Variants in SGCZ observed in about 807,000 individuals in gnomAD.
SGCZ encodes the protein sarcoglycan zeta.
SGCZ carries 40 observed loss-of-function variants against 41.3 expected under a neutral mutation model. The ratio of observed to expected loss-of-function variants is 0.97; its 90% CI spans 0.75 to 1.26. The LOEUF (loss-of-function observed/expected upper bound fraction) is 1.26, where lower values mean the gene tolerates loss of function less well. SGCZ is among the 50% of genes most tolerant of loss of function. SGCZ has a pLI of 0.00. For missense variants in SGCZ, 552 were observed against 369.8 expected (o/e 1.49, Z -4.04); for synonymous variants, 206 against 137.5 (o/e 1.50, Z -3.49).
chr8:14,962,386 GTATA>G (rs35553186), intron 1 of SGCZ, among the ~76,000 whole-genome samples: 15,861 of 148,660 alleles, frequency 0.11, 1,127 homozygotes, highest in African/African-American at 0.19. Flanking sequence ...CAAGGTAATT[GTATA>G]TATATATATA....
intron 2 of SGCZ, among the ~76,000 whole-genome samples, chr8:14,523,198 T>C: frequency 6.6e-6 from 1 of 152,042 alleles, no homozygotes. Context: ...AAATATAATT[T>C]AGAAAACTCT....
At chr8:14,192,046 A>G (rs1265026605) in intron 4 of SGCZ, among the ~76,000 whole-genome samples, 2 of 152,116 alleles carry the variant, frequency 1.3e-5, no homozygotes, top group African/African-American at 4.8e-5. Context: ...CAAAATTCTT[A>G]TGACCTGTAG....
At chr8:14,356,119 G>C (rs1803285251) in intron 2 of SGCZ, among the ~76,000 whole-genome samples, 1 of 152,178 alleles carries the variant, frequency 6.6e-6, no homozygotes. Flanking sequence ...GACAAGCAAT[G>C]CTGTACTGTA....
intron 3 of SGCZ, among the ~76,000 whole-genome samples, chr8:14,255,938 T>A (rs965637153): frequency 6.6e-6 from 1 of 152,220 alleles, no homozygotes; most frequent in South Asian, 2.1e-4. Context: ...AAGGAACTAA[T>A]CAGAAACCAA....
chr8:14,975,873 T>TACACAC lies in SGCZ; in HGVS notation c.39+261706_39+261711dup, dbSNP rs10542601. On this transcript the variant is annotated intron_variant, in intron 1 of 7. Coordinates refer to ENST00000382080, the MANE Select transcript of SGCZ (RefSeq NM_139167.4). The stretch of plus-strand genomic sequence containing the variant: ...CAGGCTTTAAAATCAAGAAAAATTT[T>TACACAC]ACACACACACACACACACACACATA... Among the ~76,000 whole-genome samples, 323 of 141,304 alleles carry TACACAC rather than the reference T, an allele frequency of 2.3e-3. 2 individuals carry two copies. Among genetic ancestry groups the TACACAC allele is most frequent in the African/African-American group, 8.3e-3 (314 of 37,946 alleles). 92.7% of individuals were successfully genotyped at this position (141,304 alleles called of 152,430 possible). A position where few individuals can be genotyped will look rare whatever the true frequency, so the allele number is the denominator to read the frequency against.
chr8:14,155,313 T>A (rs1192459351), intron 5 of SGCZ, among the ~76,000 whole-genome samples: 1 of 152,208 alleles, frequency 6.6e-6, no homozygotes, highest in Non-Finnish European at 1.5e-5. Flanking sequence ...TTTTTCTTCC[T>A]TTAACGTCTT....
chr8:14,418,799 C>T (rs933235365), intron 2 of SGCZ, among the ~76,000 whole-genome samples: 1 of 151,894 alleles, frequency 6.6e-6, no homozygotes, highest in Non-Finnish European at 1.5e-5. Flanking sequence ...GATAGCTGAA[C>T]ACTATTGCTA....
intron 1 of SGCZ, among the ~76,000 whole-genome samples, chr8:14,749,426 G>C (rs1446773390): frequency 2.0e-5 from 3 of 152,150 alleles, no homozygotes; most frequent in Admixed American, 6.5e-5. Flanking sequence ...GGGGATGCGT[G>C]TACATGCTTG....
At chr8:14,657,967 C>G (rs983123368) in intron 1 of SGCZ, among the ~76,000 whole-genome samples, 1 of 152,094 alleles carries the variant, frequency 6.6e-6, no homozygotes, top group African/African-American at 2.4e-5. Flanking sequence ...GGTGAAAACA[C>G]AAAGCCAATG....
At chr8:14,761,523 A>T (rs1799871520) in intron 1 of SGCZ, among the ~76,000 whole-genome samples, 1 of 145,128 alleles carries the variant, frequency 6.9e-6, no homozygotes, top group Non-Finnish European at 1.5e-5. Flanking sequence ...TTATTATTTT[A>T]TTTATTTATT....
At chr8:14,587,266 T>A (rs969524117) in intron 1 of SGCZ, among the ~76,000 whole-genome samples, 1 of 151,670 alleles carries the variant, frequency 6.6e-6, no homozygotes, top group Admixed American at 6.6e-5. Context: ...TATAGCCAGA[T>A]TTTTAAAAAA....
At chr8:14,689,321 TA>T (rs1158046218) in intron 1 of SGCZ, among the ~76,000 whole-genome samples, 1 of 152,102 alleles carries the variant, frequency 6.6e-6, no homozygotes, top group Non-Finnish European at 1.5e-5. Context: ...AACTTTTAAT[TA>T]ATGAAATAAT....
Position 14,732,695 on chromosome 8 carries a change from T to A in SGCZ, c.40-177769A>T, listed in dbSNP as rs770816518. 2.4e-4 allele frequency among the ~76,000 whole-genome samples: 37 copies of A among 152,278 alleles called. 1 individual carries two copies. Among genetic ancestry groups the A allele is most frequent in the Admixed American group, 1.2e-3 (18 of 15,294 alleles). On this transcript the variant is annotated intron_variant, in intron 1 of 7. Coordinates refer to ENST00000382080, the MANE Select transcript of SGCZ (RefSeq NM_139167.4). ...ACTTAACCTTTCCGAATAGGTCTTT[T>A]CCTTCCTAAAACGGGGGCAACCAAT...
intron 1 of SGCZ, among the ~76,000 whole-genome samples, chr8:14,772,141 T>C (rs1800261617): frequency 6.6e-6 from 1 of 152,170 alleles, no homozygotes; most frequent in Non-Finnish European, 1.5e-5. Context: ...AAAATAAGCT[T>C]TGTGTTAGAT....
At chr8:14,702,102 T>TCC (rs1382642056) in intron 1 of SGCZ, among the ~76,000 whole-genome samples, 1 of 151,764 alleles carries the variant, frequency 6.6e-6, no homozygotes, top group Non-Finnish European at 1.5e-5. Context: ...TTCCTGACAA[T>TCC]CCCCCGCCAT....
At chr8:15,153,929 T>A (rs930772943) in intron 1 of SGCZ, among the ~76,000 whole-genome samples, 15 of 152,168 alleles carry the variant, frequency 9.9e-5, no homozygotes, top group African/African-American at 3.6e-4. Context: ...TAGGGGTGGG[T>A]GAGAACTACT....
chr8:14,558,910 A>G (rs1233018317), intron 1 of SGCZ, among the ~76,000 whole-genome samples: 2 of 152,080 alleles, frequency 1.3e-5, no homozygotes, highest in African/African-American at 4.8e-5. Context: ...GGCAAAAAAC[A>G]CATCTGACAA....
At chr8:14,529,737 G>C (rs947728274) in intron 2 of SGCZ, among the ~76,000 whole-genome samples, 1 of 152,062 alleles carries the variant, frequency 6.6e-6, no homozygotes, top group Non-Finnish European at 1.5e-5. Flanking sequence ...AGCAACTACT[G>C]TATGTCTATC....
intron 2 of SGCZ, among the ~76,000 whole-genome samples, chr8:14,339,267 T>A (rs1172345060): frequency 6.6e-6 from 1 of 152,216 alleles, no homozygotes; most frequent in Non-Finnish European, 1.5e-5. Flanking sequence ...ATAATGCAGA[T>A]CTAATTTGGT....
Sources: gnomAD v4.1 joint callset for allele counts (sites outside exome capture counted in the v4.1 genomes callset) on GRCh38, gnomAD v4.1.1 for gene constraint, MANE v1.5 for transcripts, NCBI Gene and HGNC (gene_info 2026-07-23, HGNC 2026-07-21) for gene names.